Variants in PSMC2 observed in about 807,000 individuals in gnomAD.
PSMC2 encodes proteasome 26S subunit, ATPase 2, also known as 26S proteasome regulatory subunit 7.
A neutral mutation model predicts 53.3 loss-of-function variants in PSMC2; 7 were observed. The observed-to-expected ratio is 0.13, with a 90% confidence interval of 0.07 to 0.25. The LOEUF is 0.25. Among genes scored for constraint, PSMC2 ranks in the 10% least tolerant of loss-of-function variants. The pLI, the probability that PSMC2 is intolerant of heterozygous loss-of-function variation, is 1.00. For synonymous variants in PSMC2, 169 were observed against 183.9 expected (o/e 0.92, Z 0.66); for missense variants, 241 against 544.0 (o/e 0.44, Z 5.54).
intron 5 of PSMC2, 117 bp from the exon 6 acceptor site, chr7:103,362,569 G>A: frequency 7.0e-7 from 1 of 1,423,594 alleles, no homozygotes; most frequent in South Asian, 1.3e-5. Flanking sequence ...TATATAATTA[G>A]GGACTCTGTC....
At chr7:103,352,063 C>G (rs116767338) in intron 1 of PSMC2, among the ~76,000 whole-genome samples, 1,809 of 151,928 alleles carry the variant, frequency 0.012, 36 homozygotes, top group African/African-American at 0.042. Flanking sequence ...CTGATTACCT[C>G]ATTCTAGAAT....
chr7:103,351,023 T>C (rs921224842), intron 1 of PSMC2, among the ~76,000 whole-genome samples: 45 of 152,302 alleles, frequency 3.0e-4, no homozygotes, highest in African/African-American at 1.0e-3. Flanking sequence ...ATGGCTTCTC[T>C]AAAGTTTTGT....
intron 4 of PSMC2, among the ~76,000 whole-genome samples, chr7:103,357,764 G>T (rs539668019): frequency 6.6e-6 from 1 of 152,110 alleles, no homozygotes; most frequent in East Asian, 1.9e-4. Flanking sequence ...TTGTTATAAC[G>T]TCTTGTTTTT....
chr7:103,354,220 A>G (rs997727560), intron 2 of PSMC2, among the ~76,000 whole-genome samples: 3 of 152,206 alleles, frequency 2.0e-5, no homozygotes, highest in African/African-American at 7.2e-5. Flanking sequence ...TTTTAATACT[A>G]TTCGTGATTA....
intron 1 of PSMC2, chr7:103,352,648 G>A (rs73175850): frequency 9.8e-6 from 5 of 511,082 alleles, no homozygotes; most frequent in South Asian, 4.1e-5. Flanking sequence ...CAAGCAATCC[G>A]CCTGTCTCGG....
At chr7:103,362,208 A>AGTAAT in intron 5 of PSMC2, 120 bp downstream of exon 5, 2 of 1,513,746 alleles carry the variant, frequency 1.3e-6, no homozygotes, top group Non-Finnish European at 8.8e-7. Flanking sequence ...AGGATGATCT[A>AGTAAT]GTAATGTACT....
chr7:103,362,647 T>C, intron 5 of PSMC2, 39 bp from the exon 6 acceptor site: 1 of 1,547,148 alleles, frequency 6.5e-7, no homozygotes. Flanking sequence ...TTTGAAAGCT[T>C]AAAGAATGTA....
chr7:103,360,361 C>CT (rs1554574396), intron 4 of PSMC2, among the ~76,000 whole-genome samples: 4 of 151,332 alleles, frequency 2.6e-5, no homozygotes, highest in South Asian at 2.1e-4. Context: ...TGGTCAGCCT[C>CT]TTTTTTTTTG....
Position 103,353,954 on chromosome 7 carries a change from C to G in PSMC2, c.104C>G (p.Thr35Ser), listed in dbSNP as rs918541706. 2.5e-6 allele frequency: 4 copies of G among 1,595,940 alleles called. No individual in the cohort carries two copies. The African/African-American group carries it at 5.4e-5, about 21-fold the overall frequency. The change falls in exon 2 of 12, where the codon ACT (threonine) becomes AGT (serine). Residue 35 changes from threonine (T) to serine (S), a missense_variant. Thr to Ser is a moderately conservative substitution (Grantham distance 58). Transcript: ENST00000292644. The part of the protein sequence containing the change: ...LDEGDIALLK[T>S]YGQSTYSRQI... ...GAGGGGGATATTGCCTTGTTGAAAACTTATGTAAGTCCTTTCAGTGTCTAC... is the reference window on the plus strand; with the variant it reads ...GAGGGGGATATTGCCTTGTTGAAAAGTTATGTAAGTCCTTTCAGTGTCTAC...
At chr7:103,362,262 A>G (rs1003864127) in intron 5 of PSMC2, 174 bp downstream of exon 5, 7 of 1,415,030 alleles carry the variant, frequency 4.9e-6, no homozygotes, top group African/African-American at 4.4e-5. Context: ...CTAACTTCCC[A>G]TCGGCTTCGC....
intron 9 of PSMC2, among the ~76,000 whole-genome samples, chr7:103,366,571 A>G (rs951641306): frequency 2.6e-5 from 4 of 152,224 alleles, no homozygotes; most frequent in African/African-American, 9.6e-5. Context: ...CAAATTTTGA[A>G]GCATTTTGGA....
chr7:103,357,819 C>T (rs1029729825), intron 4 of PSMC2, among the ~76,000 whole-genome samples: 1 of 152,144 alleles, frequency 6.6e-6, no homozygotes, highest in South Asian at 2.1e-4. Context: ...CTCAACCTCC[C>T]ACTTTCTCTT....
At chr7:103,361,352 A>G (rs1011162830) in intron 4 of PSMC2, among the ~76,000 whole-genome samples, 3 of 149,732 alleles carry the variant, frequency 2.0e-5, no homozygotes, top group African/African-American at 7.4e-5. Flanking sequence ...AAAAAAAAAA[A>G]ATACAAAATT....
rs1178572494 is a variant in PSMC2 at position 103,367,840 on chromosome 7, GGTCT to G, written c.1144+37_1144+40del. On this transcript the variant is annotated intron_variant, in intron 11 of 11. Transcript: ENST00000292644. This position sits in a 1 kb window ranked among gnomAD's most constrained non-coding sequence, Gnocchi z 6.1. ...TAGAAAGTTCTTGCTTATATTTGCT[GGTCT>G]GTCTGCTCAGGCTGCTTTAATTAAG... 1 of 1,612,104 alleles carries G rather than the reference GGTCT, an allele frequency of 6.2e-7. No individual in the cohort carries two copies. The highest frequency in any genetic ancestry group is 1.3e-5 in the African/African-American group (1 of 74,740).
chr7:103,348,827 G>C, intron 1 of PSMC2: 1 of 674,770 alleles, frequency 1.5e-6, no homozygotes, highest in Non-Finnish European at 2.7e-6. Flanking sequence ...AACCATGATA[G>C]TTCTTTGTAC....
At chr7:103,363,235 A>G in intron 6 of PSMC2, 109 bp from the exon 7 acceptor site, 7 of 827,634 alleles carry the variant, frequency 8.5e-6, no homozygotes, top group Non-Finnish European at 1.3e-5. Context: ...TTTTATTAAA[A>G]TTCTCACTTG....
At chr7:103,365,565 G>C (rs539271805) in intron 8 of PSMC2, among the ~76,000 whole-genome samples, 29 of 152,278 alleles carry the variant, frequency 1.9e-4, no homozygotes, top group African/African-American at 7.0e-4. Flanking sequence ...GAAGGCGAAG[G>C]TTGCACTGAG....
upstream of PSMC2, chr7:103,347,641 G>A: frequency 1.3e-6 from 2 of 1,567,660 alleles, no homozygotes; most frequent in Non-Finnish European, 1.8e-6. Context: ...GAAGGGAAAG[G>A]GAAGACACCA....
In PSMC2 at chr7:103,367,367, C is replaced by T; in HGVS notation, c.845-46C>T. 5 of 1,593,162 alleles carry T rather than the reference C, an allele frequency of 3.1e-6. No homozygotes were observed. Among genetic ancestry groups the T allele is most frequent in the Non-Finnish European group, 4.3e-6 (5 of 1,163,042 alleles). Reference sequence around the variant, plus strand: ...TACTTTCAGGTCATGCATAGTGCTACTCTTGAGTGGACTTGAAGAGCTTAT... The same window carrying T: ...TACTTTCAGGTCATGCATAGTGCTATTCTTGAGTGGACTTGAAGAGCTTAT... On this transcript the variant is annotated intron_variant, in intron 9 of 11. Transcript: ENST00000292644. The surrounding 1 kb of genome is among the most constrained non-coding windows in gnomAD (Gnocchi z 6.1).
Sources: allele counts gnomAD v4.1 joint callset (sites outside exome capture counted in the v4.1 genomes callset), GRCh38; gene constraint gnomAD v4.1.1; non-coding constraint Gnocchi (gnomAD v3.1); transcripts MANE v1.5; gene names NCBI Gene and HGNC (gene_info 2026-07-23, HGNC 2026-07-21).